The following FN3K variants were observed in gnomAD, a reference collection of about 807,000 sequenced individuals.
FN3K encodes fructosamine-3-kinase.
Under a neutral mutation model 24.8 loss-of-function variants are expected in FN3K, and 24 were observed. That is an observed-to-expected ratio of 0.97 (90% CI 0.70 to 1.36). The LOEUF is 1.36. Ranked by LOEUF, FN3K falls within the 40% of genes most tolerant of loss-of-function variation. The probability of loss-of-function intolerance (pLI) is 0.00; values close to 1 mark genes in which losing one functional copy is unlikely to be tolerated. For synonymous variants in FN3K, 192 were observed against 175.2 expected (o/e 1.10, Z -0.76); for missense variants, 449 against 416.7 (o/e 1.08, Z -0.67).
chr17:82,748,212 G>A (rs921018381), intron 4 of FN3K, among the ~76,000 whole-genome samples: 2 of 150,610 alleles, frequency 1.3e-5, no homozygotes, highest in South Asian at 2.1e-4. Context: ...GCAATGGCGC[G>A]ATCTCGGCTC....
Position 82,738,368 on chromosome 17 carries a change from G to C in FN3K, c.142-121G>C, listed in dbSNP as rs1356507602. The C allele has an allele frequency of 5.8e-6, 8 of 1,390,310 alleles. No individual in the cohort carries two copies. In the South Asian group the frequency reaches 9.8e-5, roughly 17 times the overall value. 86.1% of individuals were successfully genotyped at this position (1,390,310 alleles called of 1,614,324 possible). A position where few individuals can be genotyped will look rare whatever the true frequency, so the allele number is the denominator to read the frequency against. The stretch of plus-strand genomic sequence containing the variant: ...TGTGGTGGACGCCAGCTCCCAGCCA[G>C]AGCCAGCTATCAGTGAATGAAGGTC... On this transcript the variant is annotated intron_variant, in intron 1 of 5. Coordinates refer to ENST00000300784, the MANE Select transcript of FN3K (RefSeq NM_022158.4).
At position 82,735,647 on chromosome 17, in the gene FN3K, T is replaced by C; in HGVS notation, c.11T>C (p.Leu4Pro). 1 of 1,538,374 alleles carries C rather than the reference T, an allele frequency of 6.5e-7. No homozygotes were observed. Among genetic ancestry groups the C allele is most frequent in the Non-Finnish European group, 8.7e-7 (1 of 1,149,818 alleles). MEQ[L>P]LRAELRTATL... Reference sequence around the variant, plus strand: ...CGCGCCCCGCACTCCATGGAGCAGCTGCTGCGCGCCGAGCTGCGCACCGCG... The same window carrying C: ...CGCGCCCCGCACTCCATGGAGCAGCCGCTGCGCGCCGAGCTGCGCACCGCG... The change falls in exon 1 of 6, where the codon CTG (leucine) becomes CCG (proline). Residue 4 changes from leucine (L) to proline (P), a missense_variant. Coordinates refer to ENST00000300784, the MANE Select transcript of FN3K (RefSeq NM_022158.4).
rs1042850130 is a variant in FN3K, at chr17:82,748,457, C to T, written c.469-398C>T. Among the ~76,000 whole-genome samples, 9 of 151,124 alleles carry T rather than the reference C, an allele frequency of 6.0e-5. No individual in the cohort carries two copies. The South Asian group carries it at 1.5e-3, about 24-fold the overall frequency. On this transcript the variant is annotated intron_variant, in intron 4 of 5. Coordinates refer to ENST00000300784, the MANE Select transcript of FN3K (RefSeq NM_022158.4). ...GCCACTGTGCCTGGCCTCCAGCTTTCTTTTGACTAGTGTTAGCATGGTATA... is the reference window on the plus strand; with the variant it reads ...GCCACTGTGCCTGGCCTCCAGCTTTTTTTTGACTAGTGTTAGCATGGTATA...
At chr17:82,741,422 A>T in intron 4 of FN3K, 29 bp downstream of exon 4, 1 of 1,585,962 alleles carries the variant, frequency 6.3e-7, no homozygotes, top group South Asian at 1.1e-5. Flanking sequence ...GTGTTCCCTG[A>T]TGCCCTAATG....
intron 1 of FN3K, chr17:82,736,065 G>GGCT: frequency 2.4e-6 from 1 of 408,286 alleles, no homozygotes; most frequent in Admixed American, 4.1e-5. Context: ...TGGGGTCCTT[G>GGCT]GCTCAGCTCT....
chr17:82,735,872 C>A, intron 1 of FN3K, 95 bp downstream of exon 1: 1 of 1,493,158 alleles, frequency 6.7e-7, no homozygotes, highest in South Asian at 1.2e-5. Flanking sequence ...GGGGCTGGGC[C>A]TGGGGAGGGG....
chr17:82,750,362 T>A, intron 5 of FN3K, 55 bp from the exon 6 acceptor site: 2 of 1,478,886 alleles, frequency 1.4e-6, no homozygotes. Context: ...AAGAACGAGG[T>A]GATGAGACCG....
At chr17:82,742,821 T>C (rs911650377) in intron 4 of FN3K, 4 of 434,512 alleles carry the variant, frequency 9.2e-6, no homozygotes, top group African/African-American at 2.0e-5. Context: ...GAGAATACTT[T>C]CAAATCTGTC....
intron 1 of FN3K, among the ~76,000 whole-genome samples, chr17:82,737,471 CGCCACCTT>C (rs1360058774): frequency 7.2e-5 from 11 of 152,018 alleles, no homozygotes; most frequent in African/African-American, 2.7e-4. Context: ...TACAGGTGCC[CGCCACCTT>C]GCCTGGCTAA....
intron 3 of FN3K, 22 bp downstream of exon 3, chr17:82,740,876 G>A (rs1377882542): frequency 1.3e-6 from 2 of 1,560,608 alleles, no homozygotes; most frequent in Non-Finnish European, 1.8e-6. Flanking sequence ...TTGCTTTTGG[G>A]TACCCTTGAT....
Position 82,750,671 on chromosome 17 carries a change from G to C in FN3K, c.846G>C (p.Leu282=), listed in dbSNP as rs993845132. The C allele has an allele frequency of 5.6e-6, 9 of 1,613,894 alleles. No homozygotes were observed. Among genetic ancestry groups the C allele is most frequent in the Middle Eastern group, 1.6e-4 (1 of 6,062 alleles). ...ACCAGCGGCTGCTGCTCTACCAGCT[G>C]TTTAACTACCTGAACCACTGGAACC... The part of the protein sequence containing the change: ...GFDQRLLLYQ[L]FNYLNHWNHF... The change falls in exon 6 of 6, where the codon CTG becomes CTC. Residue 282 remains leucine, a synonymous_variant. Transcript: ENST00000300784.
In FN3K at chr17:82,750,596, A is replaced by G. The variant is rs772092655; in HGVS notation, c.771A>G (p.Arg257=). 1 of 1,613,914 alleles carries G rather than the reference A, an allele frequency of 6.2e-7. No homozygotes were observed. Among genetic ancestry groups the G allele is most frequent in the East Asian group, 2.2e-5 (1 of 44,880 alleles). Reference sequence around the variant, plus strand: ...CCTTGATGTTTGGGGGGTTCCCCAGATCCTTCTTCACCGCCTACCACCGGA... The same window carrying G: ...CCTTGATGTTTGGGGGGTTCCCCAGGTCCTTCTTCACCGCCTACCACCGGA... ...AIALMFGGFP[R]SFFTAYHRKI... is the part of the protein sequence containing the mutation. Residue 257 remains arginine, a synonymous_variant, in exon 6 of 6, where the codon AGA becomes AGG. Transcript: ENST00000300784.
Position 82,740,837 on chromosome 17 carries a change from A to T in FN3K, c.368A>T (p.Glu123Val), listed in dbSNP as rs1285216514. 10 of 1,613,098 alleles carry T rather than the reference A, an allele frequency of 6.2e-6. No individual in the cohort carries two copies. The African/African-American group carries it at 1.3e-4, about 22-fold the overall frequency. ...CAGAAGCTCAGGGAGAAGTTGAAGG[A>T]GGAGGAGAACACAGTGGGTATGTTC... is the stretch of plus-strand genomic sequence containing the variant. ...YNQKLREKLK[E>V]EENTVGRRGE... Residue 123 changes from glutamate to valine, a missense_variant, in exon 3 of 6, where the codon GAG becomes GTG. Glu to Val is a moderately radical substitution (Grantham distance 121). Transcript: ENST00000300784.
chr17:82,744,501 CAT>C (rs1171078012), intron 4 of FN3K, among the ~76,000 whole-genome samples: 2 of 152,112 alleles, frequency 1.3e-5, no homozygotes, highest in African/African-American at 2.4e-5. Flanking sequence ...TAAATAGAAT[CAT>C]GTGGTATGTC....
At chr17:82,745,498 C>T (rs538287231) in intron 4 of FN3K, 4 of 152,390 alleles carry the variant, frequency 2.6e-5, no homozygotes, top group Admixed American at 6.5e-5. Flanking sequence ...TTTCCCCACA[C>T]TCTCACTCAG....
intron 2 of FN3K, among the ~76,000 whole-genome samples, chr17:82,739,681 T>C (rs1487693132): frequency 6.6e-6 from 1 of 151,914 alleles, no homozygotes; most frequent in Non-Finnish European, 1.5e-5. Flanking sequence ...ATGGTCTCGA[T>C]CTGCTGACCT....
chr17:82,744,395 T>A (rs1406441682), intron 4 of FN3K, among the ~76,000 whole-genome samples: 2 of 152,214 alleles, frequency 1.3e-5, no homozygotes, highest in Non-Finnish European at 2.9e-5. Flanking sequence ...GTATACTGAT[T>A]ACCCCCAAAA....
At position 82,751,067 on chromosome 17, in the gene FN3K, C is replaced by T. The variant is rs866487444; in HGVS notation, c.*312C>T. ...GTCTCCGTTCCCCCGTCCCCATCCT[C>T]CATCCCCGTCTCCCATCGCCGTCCC... is the stretch of plus-strand genomic sequence containing the variant. On this transcript the variant is annotated 3_prime_UTR_variant, in exon 6 of 6. Transcript: ENST00000300784. 6.5e-4 allele frequency: 38 copies of T among 58,152 alleles called. No individual in the cohort carries two copies. The highest frequency in any genetic ancestry group is 1.0e-3 in the Admixed American group (4 of 3,880). The allele number at this position is 58,152 out of a possible 1,614,324, so 3.6% of individuals were successfully genotyped here.
At position 82,741,309 on chromosome 17, in the gene FN3K, A is replaced by G. The variant is rs778774730; in HGVS notation, c.386-2A>G. On this transcript the variant is annotated splice_acceptor_variant, in intron 3 of 5. Coordinates refer to ENST00000300784, the MANE Select transcript of FN3K (RefSeq NM_022158.4). LOFTEE classifies it high-confidence loss of function. The stretch of plus-strand genomic sequence containing the variant: ...CTTCAGGCCAAGGATCTCTGTCAAC[A>G]GGCCGAAGAGGTGAGGGTGCTGAGC... The G allele has an allele frequency of 3.7e-6, 6 of 1,613,530 alleles. No individual in the cohort carries two copies. The South Asian group carries it at 6.6e-5, about 18-fold the overall frequency.
Sources: gnomAD v4.1 joint callset for allele counts (sites outside exome capture counted in the v4.1 genomes callset) on GRCh38, gnomAD v4.1.1 for gene constraint, MANE v1.5 for transcripts, NCBI Gene and HGNC (gene_info 2026-07-23, HGNC 2026-07-21) for gene names.